The following ADNP variants were observed in gnomAD, a reference collection of about 807,000 sequenced individuals.
The protein encoded by ADNP is activity dependent neuroprotector homeobox.
Under a neutral mutation model 84.9 loss-of-function variants are expected in ADNP, and 4 were observed. The ratio of observed to expected loss-of-function variants is 0.05; its 90% CI spans 0.02 to 0.11. The LOEUF is 0.11. ADNP is among the 10% of genes least tolerant of loss of function. ADNP has a pLI of 1.00. For synonymous variants in ADNP, 554 were observed against 468.1 expected, an observed-to-expected ratio of 1.18 and a Z score of -2.37; for missense variants, 1,132 against 1,326.0, an observed-to-expected ratio of 0.85 and a Z score of 2.27.
Position 50,894,200 on chromosome 20 carries a change from A to G in ADNP, c.514T>C (p.Tyr172His). The G allele has an allele frequency of 6.2e-7, 1 of 1,614,104 alleles. No individual in the cohort carries two copies. Among genetic ancestry groups the G allele is most frequent in the Non-Finnish European group, 8.5e-7 (1 of 1,179,944 alleles). Residue 172 changes from tyrosine to histidine, a missense_variant, in exon 6 of 6, where the codon TAC (tyrosine) becomes CAC (histidine). This residue lies in a region of ADNP where 130 missense variants were observed against 183.7 expected (regional missense o/e 0.71). Transcript: ENST00000621696. ...ACTATTTCATAAAGAGGATCTCGGT[A>G]AGTGCACTTCTTACAGTAATAAACA... ...QAVYYCKKCT[Y>H]RDPLYEIVRK...
chr20:50,892,433 C>G lies in ADNP; in HGVS notation c.2281G>C (p.Asp761His). 6.2e-7 allele frequency: 1 copy of G among 1,614,200 alleles called. No individual in the cohort carries two copies. Among genetic ancestry groups the G allele is most frequent in the Non-Finnish European group, 8.5e-7 (1 of 1,180,044 alleles). The change falls in exon 6 of 6, where the codon GAT becomes CAT. Residue 761 changes from aspartate (D) to histidine (H), a missense_variant. Transcript: ENST00000621696. ...VLALDPKGHEDDSYEARKSFL... is the reference protein window; with the variant it reads ...VLALDPKGHEHDSYEARKSFL... Reference sequence around the variant, plus strand: ...CTTTTCCTGGCTTCATAGGAATCATCTTCATGACCCTTGGGGTCTAAAGCT... The same window carrying G: ...CTTTTCCTGGCTTCATAGGAATCATGTTCATGACCCTTGGGGTCTAAAGCT...
chr20:50,927,603 C>T (rs1049732790), intron 2 of ADNP, among the ~76,000 whole-genome samples: 1 of 151,676 alleles, frequency 6.6e-6, no homozygotes, highest in Non-Finnish European at 1.5e-5. Flanking sequence ...ATTATGTTGC[C>T]CAAGCTGGTC....
At chr20:50,912,836 T>C (rs186609968) in intron 2 of ADNP, among the ~76,000 whole-genome samples, 2 of 151,578 alleles carry the variant, frequency 1.3e-5, no homozygotes, top group Admixed American at 6.6e-5. Context: ...TAAAAAAACA[T>C]TTCTACCCTA....
chr20:50,901,320 TTAAA>T (rs1981955008), intron 5 of ADNP, among the ~76,000 whole-genome samples: 1 of 49,868 alleles, frequency 2.0e-5, no homozygotes, highest in Non-Finnish European at 4.5e-5. Flanking sequence ...CCTGGGGTAT[TTAAA>T]AAAAAAAAAA....
chr20:50,891,690 G>A lies in ADNP; in HGVS notation c.3024C>T (p.Ser1008=). 1.9e-6 allele frequency: 3 copies of A among 1,614,110 alleles called. No homozygotes were observed. The highest frequency in any genetic ancestry group is 2.5e-6 in the Non-Finnish European group (3 of 1,180,034). The change falls in exon 6 of 6, where the codon AGC becomes AGT. Residue 1008 remains serine, a synonymous_variant. Coordinates refer to ENST00000621696, the MANE Select transcript of ADNP (RefSeq NM_001282531.3). ...CCTTTTTTTTGGCAGCTGGCTTACT[G>A]CTCCTTGCATCTTCGCTTTGGGAAG... ...DESSQSEDAR[S]SKPAAKKKAT...
At chr20:50,909,381 AAAAAAAAAAAAAG>A (rs1982819576) in intron 2 of ADNP, 2 of 150,494 alleles carry the variant, frequency 1.3e-5, no homozygotes, top group African/African-American at 2.4e-5. Context: ...AAAAAAAAAA[AAAAAAAAAAAAAG>A]AAATCAGATG....
At chr20:50,922,596 T>TTA (rs1555816449) in intron 2 of ADNP, among the ~76,000 whole-genome samples, 132 of 148,624 alleles carry the variant, frequency 8.9e-4, no homozygotes, top group African/African-American at 2.1e-3. Context: ...TTTTTTTTTT[T>TTA]AAAGACAGAA....
chr20:50,924,597 A>C (rs1984166667), intron 2 of ADNP, among the ~76,000 whole-genome samples: 1 of 152,196 alleles, frequency 6.6e-6, no homozygotes, highest in African/African-American at 2.4e-5. Flanking sequence ...AAAATTGGGA[A>C]TAGTTTATAA....
In ADNP at chr20:50,890,446, T is replaced by A. The variant is rs1478374101; in HGVS notation, c.*959A>T. On this transcript the variant is annotated 3_prime_UTR_variant, in exon 6 of 6. Transcript: ENST00000621696. ...ACATACTACAACAGTGTGTCATATATTAGATGGTATAAATGAATCCACCAT... is the reference window on the plus strand; with the variant it reads ...ACATACTACAACAGTGTGTCATATAATAGATGGTATAAATGAATCCACCAT... 1 of 152,516 alleles carries A rather than the reference T, an allele frequency of 6.6e-6. No individual in the cohort carries two copies. Among genetic ancestry groups the A allele is most frequent in the Admixed American group, 6.5e-5 (1 of 15,272 alleles). 9.4% of individuals were successfully genotyped at this position (152,516 alleles called of 1,614,324 possible). A position where few individuals can be genotyped will look rare whatever the true frequency, so the allele number is the denominator to read the frequency against.
intron 5 of ADNP, among the ~76,000 whole-genome samples, chr20:50,897,952 G>T (rs114529504): frequency 1.3e-5 from 2 of 152,230 alleles, no homozygotes; most frequent in Non-Finnish European, 2.9e-5. Flanking sequence ...TGTGTGTATT[G>T]ATATGCTTGA....
intron 2 of ADNP, among the ~76,000 whole-genome samples, chr20:50,920,660 T>A (rs1025540365): frequency 1.4e-4 from 21 of 152,004 alleles, no homozygotes; most frequent in African/African-American, 4.8e-4. Context: ...ATGCCACATC[T>A]TCTCAATCTA....
chr20:50,917,826 G>C (rs759730244), intron 2 of ADNP, among the ~76,000 whole-genome samples: 4 of 152,172 alleles, frequency 2.6e-5, no homozygotes, highest in Non-Finnish European at 5.9e-5. Context: ...ATCAACTGAT[G>C]ATAAATGAAA....
At chr20:50,918,273 CAG>C (rs1983665421) in intron 2 of ADNP, among the ~76,000 whole-genome samples, 1 of 152,054 alleles carries the variant, frequency 6.6e-6, no homozygotes, top group African/African-American at 2.4e-5. Flanking sequence ...GGTTCAAAAT[CAG>C]GGGCATTTAT....
At chr20:50,904,022 AG>A (rs1278534307) in intron 3 of ADNP, 21 bp from the exon 4 acceptor site, 10 of 1,563,952 alleles carry the variant, frequency 6.4e-6, no homozygotes, top group Non-Finnish European at 8.8e-6. Context: ...AAAAAATTTA[AG>A]TCAAAGTCAA....
chr20:50,909,322 C>G (rs1034043606), intron 2 of ADNP, among the ~76,000 whole-genome samples: 21 of 134,956 alleles, frequency 1.6e-4, no homozygotes, highest in Non-Finnish European at 2.7e-4. Flanking sequence ...GAAATTGCAC[C>G]ACTGCACTCC....
At chr20:50,923,197 A>G (rs1290373447) in intron 2 of ADNP, among the ~76,000 whole-genome samples, 1 of 152,188 alleles carries the variant, frequency 6.6e-6, no homozygotes, top group African/African-American at 2.4e-5. Context: ...CCATTTATAA[A>G]TTATTTCAGA....
At chr20:50,901,929 A>G (rs988154000) in intron 5 of ADNP, 88 bp downstream of exon 5, 6 of 987,152 alleles carry the variant, frequency 6.1e-6, no homozygotes, top group Non-Finnish European at 9.5e-6. Flanking sequence ...ACTTGCCCGC[A>G]ATCACTGCAC....
rs764817280 is a variant in ADNP at position 50,891,822 on chromosome 20, C to T, written c.2892G>A (p.Glu964=). Residue 964 remains glutamate (E), a synonymous_variant, in exon 6 of 6, where the codon GAG becomes GAA. Transcript: ENST00000621696. The part of the protein sequence containing the change: ...DSEVDQDDVV[E]WKDGASPSES... ...CAGATGGAGAAGCACCGTCTTTCCA[C>T]TCAACAACATCGTCTTGGTCAACCT... The T allele has an allele frequency of 5.0e-6, 8 of 1,614,222 alleles. No individual in the cohort carries two copies. The Admixed American group carries it at 1.0e-4, about 20-fold the overall frequency.
chr20:50,902,254 C>A, intron 4 of ADNP, 145 bp from the exon 5 acceptor site: 1 of 594,158 alleles, frequency 1.7e-6, no homozygotes, highest in Admixed American at 3.4e-5. Flanking sequence ...AGTGATAAGG[C>A]TCTTAAATAT....
Sources: gnomAD v4.1 joint callset for allele counts (sites outside exome capture counted in the v4.1 genomes callset) on GRCh38, gnomAD v4.1.1 for gene constraint, gnomAD v4.1.1 regional missense constraint, MANE v1.5 for transcripts, NCBI Gene and HGNC (gene_info 2026-07-23, HGNC 2026-07-21) for gene names.